The following PI4KA variants were observed in gnomAD, a reference collection of about 807,000 sequenced individuals.
The protein encoded by PI4KA is phosphatidylinositol 4-kinase alpha, also known as PI4-kinase alpha.
PI4KA carries 122 observed loss-of-function variants against 271.4 expected under a neutral mutation model. The observed-to-expected ratio is 0.45, with a 90% confidence interval of 0.39 to 0.52. The LOEUF is 0.52. PI4KA is among the 20% of genes least tolerant of loss of function. The pLI, the probability that PI4KA is intolerant of heterozygous loss-of-function variation, is 0.00. For missense variants in PI4KA, 1,969 were observed against 2,769.1 expected, an observed-to-expected ratio of 0.71 and a Z score of 6.48; for synonymous variants, 1,041 against 1,078.8, an observed-to-expected ratio of 0.96 and a Z score of 0.69.
At chr22:20,779,829 A>T in intron 19 of PI4KA, 3 of 1,614,192 alleles carry the variant, frequency 1.9e-6, no homozygotes, top group Non-Finnish European at 2.5e-6. Context: ...GAAGGGAGAG[A>T]CCCATGAACA....
rs1928350449 is a variant in PI4KA, at chr22:20,733,769, T to G, written c.4127A>C (p.Glu1376Ala). ...GTCAAAGGCAGTGGAGTAGATCTTCTCGCGAAGCACATTGCGGATGGTTGC... is the reference window on the plus strand; with the variant it reads ...GTCAAAGGCAGTGGAGTAGATCTTCGCGCGAAGCACATTGCGGATGGTTGC... Reference protein sequence around the residue: ...PNATIRNVLREKIYSTAFDYF... With the variant: ...PNATIRNVLRAKIYSTAFDYF... The change falls in exon 35 of 55, where the codon GAG (glutamate) becomes GCG (alanine). Residue 1376 changes from glutamate (E) to alanine (A), a missense_variant. Physicochemically the swap from Glu to Ala is moderately radical, Grantham distance 107. This residue lies in a region of PI4KA where 72 missense variants were observed against 103.1 expected (regional missense o/e 0.70). Transcript: ENST00000255882. 1.2e-6 allele frequency: 2 copies of G among 1,613,330 alleles called. No individual in the cohort carries two copies. The highest frequency in any genetic ancestry group is 2.7e-5 in the African/African-American group (2 of 74,858).
At chr22:20,716,840 G>A (rs189835228) in intron 45 of PI4KA, among the ~76,000 whole-genome samples, 13 of 152,348 alleles carry the variant, frequency 8.5e-5, no homozygotes, top group African/African-American at 3.1e-4. Context: ...ACAATGTGTT[G>A]GGAAGAAATG....
At chr22:20,795,867 G>A (rs967287487) in intron 18 of PI4KA, among the ~76,000 whole-genome samples, 8 of 152,102 alleles carry the variant, frequency 5.3e-5, no homozygotes, top group Admixed American at 1.3e-4. Flanking sequence ...AGAGGTGCCC[G>A]TGGGGAGCTG....
At chr22:20,834,532 A>G in intron 3 of PI4KA, 30 bp downstream of exon 3, 1 of 1,290,756 alleles carries the variant, frequency 7.7e-7, no homozygotes, top group Non-Finnish European at 1.1e-6. Context: ...ATTTTCTCTT[A>G]TATTCAGGGA....
At chr22:20,724,304 TAA>T (rs879345723) in intron 42 of PI4KA, among the ~76,000 whole-genome samples, 4 of 125,802 alleles carry the variant, frequency 3.2e-5, no homozygotes, top group Non-Finnish European at 3.4e-5. Context: ...AAACTCTGTC[TAA>T]AAAAAAAAAA....
rs199725282 is a variant in PI4KA, at chr22:20,765,276, C to A, written c.2438-40G>T. On this transcript the variant is annotated intron_variant, in intron 20 of 54. Transcript: ENST00000255882. ...ACATAAATGAGGAAATCACCTTGGTCGGAAAGCACTGCAGTGAGGTTGACT... is the reference window on the plus strand; with the variant it reads ...ACATAAATGAGGAAATCACCTTGGTAGGAAAGCACTGCAGTGAGGTTGACT... 2.2e-4 allele frequency: 348 copies of A among 1,566,770 alleles called. 2 individuals carry two copies. The African/African-American group carries it at 4.4e-3, about 20-fold the overall frequency.
At position 20,727,639 on chromosome 22, in the gene PI4KA, A is replaced by G. The variant is rs1927522228; in HGVS notation, c.4773+135T>C. On this transcript the variant is annotated intron_variant, in intron 40 of 54. Coordinates refer to ENST00000255882, the MANE Select transcript of PI4KA (RefSeq NM_058004.4). ...CAGACAAGAAATAGAAAACACAGGA[A>G]ATCAGAAAAACCATGAATAGCACTG... is the stretch of plus-strand genomic sequence containing the variant. The G allele has an allele frequency of 8.2e-6, 6 of 728,088 alleles. 1 individual carries two copies. The South Asian group carries it at 1.1e-4, about 14-fold the overall frequency. 45.1% of individuals were successfully genotyped at this position (728,088 alleles called of 1,614,324 possible).
intron 3 of PI4KA, among the ~76,000 whole-genome samples, chr22:20,832,938 A>G (rs1199585408): frequency 3.3e-5 from 5 of 152,202 alleles, no homozygotes. Context: ...GAACTAGTGC[A>G]GTCAACTTAG....
chr22:20,779,918 C>T, intron 19 of PI4KA: 2 of 1,614,236 alleles, frequency 1.2e-6, no homozygotes, highest in Non-Finnish European at 1.7e-6. Context: ...ATAATCTCTT[C>T]CGTAAGCTGA....
chr22:20,856,691 C>T (rs1927641677), intron 1 of PI4KA, among the ~76,000 whole-genome samples: 1 of 152,136 alleles, frequency 6.6e-6, no homozygotes. Flanking sequence ...TCTCAGCCTC[C>T]CAAAGTGCTG....
intron 2 of PI4KA, 65 bp from the exon 3 acceptor site, chr22:20,834,720 C>A: frequency 9.5e-7 from 1 of 1,047,808 alleles, no homozygotes. Context: ...AGCTTTTTAG[C>A]CCAGATTAAG....
chr22:20,772,700 TGAG>T, intron 19 of PI4KA, among the ~76,000 whole-genome samples: 1 of 152,334 alleles, frequency 6.6e-6, no homozygotes, highest in Middle Eastern at 3.4e-3. Flanking sequence ...AACATGCTCT[TGAG>T]GAGCAGTCTC....
At chr22:20,777,606 G>A (rs1401108039) in intron 19 of PI4KA, among the ~76,000 whole-genome samples, 3 of 152,286 alleles carry the variant, frequency 2.0e-5, no homozygotes, top group Middle Eastern at 3.4e-3. Flanking sequence ...TTCCTGCCTT[G>A]GTCTCCCAGT....
chr22:20,739,338 C>CA (rs756945635), intron 32 of PI4KA, among the ~76,000 whole-genome samples: 10,181 of 101,398 alleles, frequency 0.1, 368 homozygotes, highest in East Asian at 0.16. Context: ...GACTCCATCT[C>CA]AAAAAAAAAA....
At chr22:20,848,978 C>G (rs1419476735) in intron 1 of PI4KA, among the ~76,000 whole-genome samples, 1 of 152,082 alleles carries the variant, frequency 6.6e-6, no homozygotes, top group Non-Finnish European at 1.5e-5. Flanking sequence ...ACTATTACAA[C>G]TTAATTAAAA....
rs144231414 is a variant in PI4KA, at chr22:20,750,509, G to A, written c.3154-515C>T. Among the ~76,000 whole-genome samples the A allele has an allele frequency of 8.0e-3, 1,226 of 152,322 alleles. 9 individuals are homozygous for A. Among genetic ancestry groups the A allele is most frequent in the East Asian group, 0.055 (285 of 5,188 alleles). On this transcript the variant is annotated intron_variant, in intron 27 of 54. Transcript: ENST00000255882. ...ACTAAGTTTGAACCTCAAGGCCCCT[G>A]GGGCCAGGAAGCCCACACACACTAT...
At chr22:20,803,341 G>C (rs367588433) in intron 12 of PI4KA, 21 bp from the exon 13 acceptor site, 1 of 1,613,556 alleles carries the variant, frequency 6.2e-7, no homozygotes, top group East Asian at 2.2e-5. Flanking sequence ...CCATCAACCT[G>C]TCACATGGCC....
At chr22:20,733,896 T>G in intron 34 of PI4KA, 53 bp from the exon 35 acceptor site, 3 of 1,611,534 alleles carry the variant, frequency 1.9e-6, no homozygotes, top group Non-Finnish European at 2.5e-6. Flanking sequence ...TGGGGCCAAG[T>G]TCACCTTATG....
Position 20,734,472 on chromosome 22 carries a change from C to T in PI4KA, c.3823G>A (p.Asp1275Asn), listed in dbSNP as rs773079355. The T allele has an allele frequency of 1.2e-6, 2 of 1,613,634 alleles. No individual in the cohort carries two copies. The highest frequency in any genetic ancestry group is 1.7e-6 in the Non-Finnish European group (2 of 1,179,806). ...GLFSAEIKEA[D>N]PLAASEASQP... ...CTTGCTTCCGAGGCAGCCAGGGGGT[C>T]TGCTTCCTTTATCTCAGCAGAAAAC... The change falls in exon 33 of 55, where the codon GAC (aspartate) becomes AAC (asparagine). Residue 1275 changes from aspartate (D) to asparagine (N), a missense_variant. Transcript: ENST00000255882.
Sources: allele counts gnomAD v4.1 joint callset (sites outside exome capture counted in the v4.1 genomes callset), GRCh38; gene constraint gnomAD v4.1.1; regional missense constraint gnomAD v4.1.1; transcripts MANE v1.5; gene names NCBI Gene and HGNC (gene_info 2026-07-23, HGNC 2026-07-21).